The following LSM14A variants were observed in gnomAD, a reference collection of about 807,000 sequenced individuals.
LSM14A encodes the protein LSM14A mRNA processing body assembly factor.
LSM14A carries 14 observed loss-of-function variants against 52.4 expected under a neutral mutation model. The observed-to-expected ratio is 0.27, with a 90% CI of 0.18 to 0.42. LSM14A has a LOEUF of 0.42. Ranked by LOEUF, LSM14A falls within the 10% of genes least tolerant of loss-of-function variation. LSM14A has a pLI of 1.00. For synonymous variants in LSM14A, 185 were observed against 200.3 expected, an observed-to-expected ratio of 0.92 and a Z score of 0.64; for missense variants, 417 against 581.8, an observed-to-expected ratio of 0.72 and a Z score of 2.91.
intron 1 of LSM14A, among the ~76,000 whole-genome samples, chr19:34,173,162 A>G (rs1045909768): frequency 7.2e-5 from 11 of 152,238 alleles, no homozygotes; most frequent in African/African-American, 2.4e-4. Flanking sequence ...TGCGTTGACT[A>G]CACAGCACCC....
chr19:34,202,417 TGA>T (rs539241932), intron 3 of LSM14A, among the ~76,000 whole-genome samples: 30 of 149,182 alleles, frequency 2.0e-4, no homozygotes, highest in Non-Finnish European at 4.0e-4. Flanking sequence ...TGCTTGAGCC[TGA>T]GAGGTAGAGG....
chr19:34,206,434 C>T (rs1254621364), intron 3 of LSM14A, among the ~76,000 whole-genome samples: 2 of 151,372 alleles, frequency 1.3e-5, no homozygotes, highest in Admixed American at 6.6e-5. Flanking sequence ...TTTGGGAGGC[C>T]GAGGCGGGCA....
intron 1 of LSM14A, among the ~76,000 whole-genome samples, chr19:34,175,663 A>T (rs2069034413): frequency 6.6e-6 from 1 of 152,230 alleles, no homozygotes; most frequent in Admixed American, 6.5e-5. Context: ...CTACATTATA[A>T]CTGTCTAGTC....
rs2073437684 is a variant in LSM14A at position 34,228,132 on chromosome 19, A to C, written c.*744A>C. 1 of 152,652 alleles carries C rather than the reference A, an allele frequency of 6.6e-6. No homozygotes were observed. The highest frequency in any genetic ancestry group is 6.5e-5 in the Admixed American group (1 of 15,274). The allele number at this position is 152,652 out of a possible 1,614,324, so 9.5% of individuals were successfully genotyped here. A position where few individuals can be genotyped will look rare whatever the true frequency, so the allele number is the denominator to read the frequency against. On this transcript the variant is annotated 3_prime_UTR_variant, in exon 10 of 10. Transcript: ENST00000544216. ...CCTTGCAGAAGTTGATGTGCTGAGC[A>C]GCAGCCTTATGGGTGGGTCTTTTTT...
At chr19:34,192,218 C>G (rs932452211) in intron 1 of LSM14A, among the ~76,000 whole-genome samples, 10 of 151,302 alleles carry the variant, frequency 6.6e-5, no homozygotes, top group African/African-American at 2.4e-4. Flanking sequence ...TGCCAAACTA[C>G]CTGTGCCACT....
intron 9 of LSM14A, among the ~76,000 whole-genome samples, chr19:34,222,403 A>G (rs2073115224): frequency 6.6e-6 from 1 of 152,256 alleles, no homozygotes; most frequent in African/African-American, 2.4e-5. Flanking sequence ...TAGTAGCCTT[A>G]TGTGTATAAT....
rs1454902056 is a variant in LSM14A at position 34,196,640 on chromosome 19, C to G, written c.292C>G (p.Leu98Val). ...ACTCATGATTTTCCTTCAGTCCTCA[C>G]TAGGCTCATCGACTTCTTCATTCCA... ...PQDPAIVQSSLGSSTSSFQSM... is the reference protein window; with the variant it reads ...PQDPAIVQSSVGSSTSSFQSM... The change falls in exon 3 of 10, where the codon CTA becomes GTA. Residue 98 changes from leucine (L) to valine (V), a missense_variant. Physicochemically the swap from Leu to Val is conservative, Grantham distance 32. This residue lies in a region of LSM14A where 357 missense variants were observed against 457.0 expected (regional missense o/e 0.78). Transcript: ENST00000544216. The G allele has an allele frequency of 1.9e-6, 3 of 1,609,420 alleles. No homozygotes were observed. The highest frequency in any genetic ancestry group is 1.7e-6 in the Non-Finnish European group (2 of 1,178,648).
intron 1 of LSM14A, among the ~76,000 whole-genome samples, chr19:34,189,999 C>T (rs1400234623): frequency 6.6e-6 from 1 of 152,228 alleles, no homozygotes; most frequent in Middle Eastern, 3.4e-3. Context: ...GGAAATGAAC[C>T]AATGTGATTT....
intron 9 of LSM14A, 32 bp downstream of exon 9, chr19:34,221,770 T>C (rs1309762237): frequency 6.3e-7 from 1 of 1,580,936 alleles, no homozygotes; most frequent in East Asian, 2.3e-5. Context: ...TTCTTTGGGG[T>C]TGACATGCAT....
intron 8 of LSM14A, among the ~76,000 whole-genome samples, chr19:34,220,592 C>G (rs1045797330): frequency 1.3e-5 from 2 of 149,376 alleles, no homozygotes; most frequent in Admixed American, 6.7e-5. Context: ...ACTAACAGTT[C>G]TAGAGGTTCT....
In LSM14A at chr19:34,229,005, T is replaced by C. The variant is rs558088603; in HGVS notation, c.*1617T>C. The C allele has an allele frequency of 2.6e-5, 4 of 152,398 alleles. No individual in the cohort carries two copies. Among genetic ancestry groups the C allele is most frequent in the Admixed American group, 1.3e-4 (2 of 15,302 alleles). 9.4% of individuals were successfully genotyped at this position (152,398 alleles called of 1,614,324 possible). On this transcript the variant is annotated 3_prime_UTR_variant, in exon 10 of 10. Transcript: ENST00000544216. ...TTTAGAGGACCCACAAATCATGATA[T>C]TGAACACAGTTCCGAGGCATTCAGA...
In LSM14A at chr19:34,208,956, C is replaced by T. The variant is rs775870453; in HGVS notation, c.443C>T (p.Thr148Ile). The change falls in exon 4 of 10, where the codon ACA becomes ATA. Residue 148 changes from threonine to isoleucine, a missense_variant. Thr to Ile is a moderately conservative substitution (Grantham distance 89, BLOSUM62 -1). Coordinates refer to ENST00000544216, the MANE Select transcript of LSM14A (RefSeq NM_015578.4). Reference protein sequence around the residue: ...VAGSSLTSFGTETSNSGTLPQ... With the variant: ...VAGSSLTSFGIETSNSGTLPQ... ...GGAAGCTCTTTGACATCCTTTGGAA[C>T]AGAAACATCAAACAGTGGTACCTTA... 1 of 1,608,578 alleles carries T rather than the reference C, an allele frequency of 6.2e-7. No homozygotes were observed. The highest frequency in any genetic ancestry group is 8.5e-7 in the Non-Finnish European group (1 of 1,177,104).
intron 1 of LSM14A, among the ~76,000 whole-genome samples, chr19:34,175,632 A>G (rs369272608): frequency 6.6e-6 from 1 of 152,236 alleles, no homozygotes; most frequent in African/African-American, 2.4e-5. Flanking sequence ...ATTAGTCTAC[A>G]TGATATTATC....
chr19:34,183,578 A>G (rs1019920594), intron 1 of LSM14A, among the ~76,000 whole-genome samples: 4 of 152,090 alleles, frequency 2.6e-5, no homozygotes, highest in Admixed American at 6.6e-5. Context: ...AAATAAACCC[A>G]TAAAGGACAA....
Position 34,175,270 on chromosome 19 carries a change from G to C in LSM14A, c.121+2507G>C, listed in dbSNP as rs1278251697. ...TTTTGAGATGGCGTCTCACTCTGTT[G>C]CCCAGGCCGGAGTGCAGTGGCACAA... On this transcript the variant is annotated intron_variant, in intron 1 of 9. Coordinates refer to ENST00000544216, the MANE Select transcript of LSM14A (RefSeq NM_015578.4). Among the ~76,000 whole-genome samples, 3 of 146,694 alleles carry C rather than the reference G, an allele frequency of 2.0e-5. No individual in the cohort carries two copies. In the East Asian group the frequency reaches 6.0e-4, roughly 29 times the overall value.
rs562296383 is a variant in LSM14A at position 34,220,872 on chromosome 19, C to CTTTT, written c.1137-634_1137-631dup. Among the ~76,000 whole-genome samples the CTTTT allele has an allele frequency of 8.0e-3, 1,218 of 152,254 alleles. 6 individuals carry two copies. Among genetic ancestry groups the CTTTT allele is most frequent in the Non-Finnish European group, 9.2e-3 (625 of 68,022 alleles). On this transcript the variant is annotated intron_variant, in intron 8 of 9. Transcript: ENST00000544216. ...AGGCCTCCCTGTCTGACTTTACCTT[C>CTTTT]TTTTCCCTTGGGGCTGAGTGGAAAG...
chr19:34,225,813 C>G (rs1270180880), intron 9 of LSM14A, among the ~76,000 whole-genome samples: 1 of 152,048 alleles, frequency 6.6e-6, no homozygotes, highest in Non-Finnish European at 1.5e-5. Context: ...ACATGTAATA[C>G]CAGCATTTTG....
intron 1 of LSM14A, among the ~76,000 whole-genome samples, chr19:34,191,408 A>G (rs1259141259): frequency 6.6e-6 from 1 of 152,136 alleles, no homozygotes; most frequent in Non-Finnish European, 1.5e-5. Context: ...AAACAAAATA[A>G]GTAAATGAAG....
chr19:34,217,541 A>G (rs1396575802), intron 6 of LSM14A, among the ~76,000 whole-genome samples: 3 of 147,440 alleles, frequency 2.0e-5, no homozygotes, highest in African/African-American at 7.5e-5. Flanking sequence ...TTAGAAATCT[A>G]GATATGATAT....
Sources: allele counts gnomAD v4.1 joint callset (sites outside exome capture counted in the v4.1 genomes callset), GRCh38; gene constraint gnomAD v4.1.1; regional missense constraint gnomAD v4.1.1; transcripts MANE v1.5; gene names NCBI Gene and HGNC (gene_info 2026-07-23, HGNC 2026-07-21).